QSER1: variants seen among roughly 807,000 people sequenced by gnomAD.
The protein encoded by QSER1 is glutamine and serine-rich protein 1.
Under a neutral mutation model 158.5 loss-of-function variants are expected in QSER1, and 49 were observed. The ratio of observed to expected loss-of-function variants is 0.31; its 90% confidence interval spans 0.25 to 0.39. The LOEUF is 0.39. Ranked by LOEUF, QSER1 falls within the 10% of genes least tolerant of loss-of-function variation. The pLI, the probability that QSER1 is intolerant of heterozygous loss-of-function variation, is 1.00. For synonymous variants in QSER1, 650 were observed against 715.5 expected (o/e 0.91, Z 1.46); for missense variants, 1,754 against 2,010.3 (o/e 0.87, Z 2.44).
At chr11:32,973,685 C>A in intron 11 of QSER1, 136 bp downstream of exon 11, 2 of 790,962 alleles carry the variant, frequency 2.5e-6, no homozygotes, top group South Asian at 1.9e-5. Context: ...GAATAAGCGT[C>A]ACTGGCCTGA....
chr11:32,905,896 T>C (rs908437229), intron 1 of QSER1, among the ~76,000 whole-genome samples: 1 of 152,148 alleles, frequency 6.6e-6, no homozygotes, highest in Non-Finnish European at 1.5e-5. Context: ...TTAGGGAAAA[T>C]TTAAAAGATA....
At chr11:32,943,119 TAAG>T (rs1185600878) in intron 4 of QSER1, among the ~76,000 whole-genome samples, 1 of 152,052 alleles carries the variant, frequency 6.6e-6, no homozygotes, top group Non-Finnish European at 1.5e-5. Flanking sequence ...CTTATCAGCT[TAAG>T]GAGATTTTGG....
chr11:32,966,423 T>C lies in QSER1; in HGVS notation c.5093T>C (p.Leu1698Ser). Residue 1698 changes from leucine to serine, a missense_variant, in exon 9 of 13, where the codon TTA (leucine) becomes TCA (serine). Leu to Ser is a moderately radical substitution (Grantham distance 145). This residue lies in a region of QSER1 where 1,707 missense variants were observed against 1,919.6 expected (regional missense o/e 0.89). Transcript: ENST00000650167. The stretch of plus-strand genomic sequence containing the variant: ...TTGGACCCTGACACAATGCAAGCCT[T>C]AGAGAAGAGCAATGGTACAGTCTTC... ...IALDPDTMQA[L>S]EKSNDELLLP... 1 of 1,613,698 alleles carries C rather than the reference T, an allele frequency of 6.2e-7. No homozygotes were observed. The highest frequency in any genetic ancestry group is 8.5e-7 in the Non-Finnish European group (1 of 1,179,814).
chr11:32,964,377 G>A (rs534405139), intron 8 of QSER1, among the ~76,000 whole-genome samples: 2 of 152,096 alleles, frequency 1.3e-5, no homozygotes, highest in African/African-American at 4.8e-5. Context: ...ACAGTTTGTT[G>A]TCATTGCCTT....
chr11:32,974,729 G>A (rs1365638165), intron 11 of QSER1, among the ~76,000 whole-genome samples: 2 of 152,194 alleles, frequency 1.3e-5, no homozygotes, highest in Non-Finnish European at 2.9e-5. Context: ...TGTATTTGGG[G>A]AGGATGGGGA....
intron 8 of QSER1, among the ~76,000 whole-genome samples, chr11:32,964,717 C>T (rs1590184830): frequency 3.1e-5 from 2 of 64,260 alleles, no homozygotes; most frequent in South Asian, 7.5e-4. Context: ...AAAAAAACAC[C>T]ATATATATAT....
At chr11:32,914,274 T>C (rs1851806507) in intron 1 of QSER1, among the ~76,000 whole-genome samples, 1 of 152,216 alleles carries the variant, frequency 6.6e-6, no homozygotes, top group Admixed American at 6.5e-5. Context: ...TACAAGATTA[T>C]GTACTTTGCT....
chr11:32,973,577 T>C lies in QSER1; in HGVS notation c.5358+28T>C, dbSNP rs371654064. 3.6e-5 allele frequency: 56 copies of C among 1,558,694 alleles called. No individual in the cohort carries two copies. In the African/African-American group the frequency reaches 7.2e-4, roughly 20 times the overall value. The stretch of plus-strand genomic sequence containing the variant: ...AAGTGTAATTGATTATTAATGTAAC[T>C]ATACCTTTTCCAATTGTTAATACAA... On this transcript the variant is annotated intron_variant, in intron 11 of 12. Coordinates refer to ENST00000650167, the MANE Select transcript of QSER1 (RefSeq NM_001076786.3).
intron 1 of QSER1, among the ~76,000 whole-genome samples, chr11:32,909,703 A>G (rs1851741791): frequency 6.6e-6 from 1 of 152,102 alleles, no homozygotes. Context: ...TGGCCTCCCA[A>G]AGTGTTGGGA....
chr11:32,919,598 C>T (rs910590649), intron 1 of QSER1, among the ~76,000 whole-genome samples: 8 of 152,190 alleles, frequency 5.3e-5, no homozygotes, highest in Middle Eastern at 6.8e-3. Flanking sequence ...ATCACCTGGT[C>T]GATTCTTGTC....
intron 4 of QSER1, among the ~76,000 whole-genome samples, chr11:32,937,756 C>A (rs1303982707): frequency 2.6e-5 from 4 of 152,238 alleles, no homozygotes; most frequent in Admixed American, 2.0e-4. Context: ...GTTTTACTCT[C>A]TTTCCACTGT....
chr11:32,899,783 TC>T (rs1851602200), intron 1 of QSER1, among the ~76,000 whole-genome samples: 1 of 152,182 alleles, frequency 6.6e-6, no homozygotes, highest in African/African-American at 2.4e-5. Flanking sequence ...TGGAGTTCTG[TC>T]CTTTTTTCTT....
At chr11:32,952,282 A>T (rs1005754867) in intron 4 of QSER1, among the ~76,000 whole-genome samples, 1 of 152,188 alleles carries the variant, frequency 6.6e-6, no homozygotes, top group Non-Finnish European at 1.5e-5. Context: ...GTCCTCTGTA[A>T]AGCTGGGGAA....
intron 11 of QSER1, among the ~76,000 whole-genome samples, chr11:32,973,916 CAT>C (rs1318484711): frequency 1.3e-5 from 2 of 152,130 alleles, no homozygotes; most frequent in African/African-American, 4.8e-5. Flanking sequence ...AACTCATTAA[CAT>C]ATGCATTACT....
At chr11:32,928,792 A>C (rs1852008492) in intron 3 of QSER1, among the ~76,000 whole-genome samples, 1 of 152,164 alleles carries the variant, frequency 6.6e-6, no homozygotes, top group African/African-American at 2.4e-5. Flanking sequence ...ATAGTATTTT[A>C]ACATTCTGAT....
Position 32,933,186 on chromosome 11 carries a change from A to G in QSER1, c.1928A>G (p.Lys643Arg). The change falls in exon 4 of 13, where the codon AAG (lysine) becomes AGG (arginine). Residue 643 changes from lysine to arginine, a missense_variant. By Grantham distance (26) the Lys-to-Arg change is conservative (BLOSUM62 2). Transcript: ENST00000650167. ...TQESSSPQSQ[K>R]FLPAVQSSSF... Reference sequence around the variant, plus strand: ...GAGTCATCATCTCCCCAGTCCCAGAAGTTTTTGCCTGCTGTCCAGTCATCA... The same window carrying G: ...GAGTCATCATCTCCCCAGTCCCAGAGGTTTTTGCCTGCTGTCCAGTCATCA... 3.7e-6 allele frequency: 6 copies of G among 1,613,918 alleles called. No homozygotes were observed. The highest frequency in any genetic ancestry group is 5.1e-6 in the Non-Finnish European group (6 of 1,179,954).
chr11:32,938,626 G>A (rs1487769344), intron 4 of QSER1, among the ~76,000 whole-genome samples: 1 of 152,112 alleles, frequency 6.6e-6, no homozygotes, highest in Admixed American at 6.6e-5. Flanking sequence ...TTAGTTTTTT[G>A]TGGACTGCTG....
intron 1 of QSER1, among the ~76,000 whole-genome samples, chr11:32,896,230 A>T (rs1041232602): frequency 6.6e-6 from 1 of 152,190 alleles, no homozygotes; most frequent in Non-Finnish European, 1.5e-5. Flanking sequence ...CTTGATACTT[A>T]TATCTTGGTC....
rs1236065798 is a variant in QSER1, at chr11:32,933,583, T to C, written c.2325T>C (p.Ile775=). Residue 775 remains isoleucine, a synonymous_variant, in exon 4 of 13, where the codon ATT becomes ATC. Transcript: ENST00000650167. ...VGSVTQLNQQ[I]GQVNNAATLD... is the part of the protein sequence containing the mutation. ...CAGTGACACAACTTAACCAACAAAT[T>C]GGCCAAGTCAATAATGCAGCTACCC... The C allele has an allele frequency of 6.2e-7, 1 of 1,614,008 alleles. No homozygotes were observed. The highest frequency in any genetic ancestry group is 2.2e-5 in the East Asian group (1 of 44,880).
Sources: gnomAD v4.1 joint callset for allele counts (sites outside exome capture counted in the v4.1 genomes callset) on GRCh38, gnomAD v4.1.1 for gene constraint, gnomAD v4.1.1 regional missense constraint, MANE v1.5 for transcripts, NCBI Gene and HGNC (gene_info 2026-07-23, HGNC 2026-07-21) for gene names.